Variants in CAMK1D observed in about 807,000 individuals in gnomAD.
CAMK1D encodes calcium/calmodulin-dependent protein kinase type 1D.
In CAMK1D, 9 loss-of-function variants were observed where a neutral mutation model predicts 47.7. The ratio of observed to expected loss-of-function variants is 0.19; its 90% CI spans 0.11 to 0.33. CAMK1D has a LOEUF of 0.33. CAMK1D is among the 10% of genes least tolerant of loss of function. The probability of loss-of-function intolerance (pLI) is 1.00; values close to 1 mark genes in which losing one functional copy is unlikely to be tolerated. For missense variants in CAMK1D, 291 were observed against 488.7 expected (o/e 0.60, Z 3.81); for synonymous variants, 184 against 184.9 (o/e 0.99, Z 0.04).
At chr10:12,758,096 C>T (rs1380095149) in intron 3 of CAMK1D, among the ~76,000 whole-genome samples, 1 of 152,058 alleles carries the variant, frequency 6.6e-6, no homozygotes, top group African/African-American at 2.4e-5. Context: ...GGTGATCCGC[C>T]TCCTTGGCCT....
intron 1 of CAMK1D, among the ~76,000 whole-genome samples, chr10:12,485,329 A>G (rs1003214993): frequency 7.2e-5 from 11 of 152,050 alleles, no homozygotes; most frequent in Non-Finnish European, 1.2e-4. Flanking sequence ...GGCTCCTGGG[A>G]TGGTCAGAGC....
chr10:12,792,184 T>C (rs976626408), intron 6 of CAMK1D, among the ~76,000 whole-genome samples: 2 of 152,200 alleles, frequency 1.3e-5, no homozygotes, highest in African/African-American at 4.8e-5. Flanking sequence ...AATCTCAATT[T>C]CGCCTTTAGA....
chr10:12,709,449 G>C (rs149678114), intron 3 of CAMK1D, among the ~76,000 whole-genome samples: 2 of 152,152 alleles, frequency 1.3e-5, no homozygotes, highest in African/African-American at 4.8e-5. Context: ...TCTAAGGAGG[G>C]AAAATGAAAA....
chr10:12,579,309 C>T (rs2132333998), intron 2 of CAMK1D, among the ~76,000 whole-genome samples: 1 of 152,296 alleles, frequency 6.6e-6, no homozygotes, highest in Admixed American at 6.5e-5. Flanking sequence ...CCTTTCCTTT[C>T]CTTCTTCTGA....
At chr10:12,366,490 A>G (rs1339003313) in intron 1 of CAMK1D, among the ~76,000 whole-genome samples, 1 of 138,674 alleles carries the variant, frequency 7.2e-6, no homozygotes, top group East Asian at 2.0e-4. Flanking sequence ...CCCCATGTCT[A>G]CTAAAAATAA....
At chr10:12,503,260 G>A (rs1834762566) in intron 1 of CAMK1D, among the ~76,000 whole-genome samples, 2 of 152,160 alleles carry the variant, frequency 1.3e-5, no homozygotes, top group South Asian at 4.1e-4. Flanking sequence ...TGTGCCGCTG[G>A]GATTTTGGGA....
intron 1 of CAMK1D, among the ~76,000 whole-genome samples, chr10:12,501,092 C>T (rs1251479292): frequency 6.6e-6 from 1 of 152,216 alleles, no homozygotes; most frequent in East Asian, 1.9e-4. Flanking sequence ...CCGTACTCCA[C>T]CTCGCCCTCA....
intron 3 of CAMK1D, among the ~76,000 whole-genome samples, chr10:12,720,912 C>G (rs912118076): frequency 3.3e-5 from 5 of 152,142 alleles, no homozygotes; most frequent in Admixed American, 2.0e-4. Context: ...AGTCATTTTT[C>G]AAAAGTGAAC....
At chr10:12,368,460 G>A (rs1211718484) in intron 1 of CAMK1D, among the ~76,000 whole-genome samples, 1 of 152,078 alleles carries the variant, frequency 6.6e-6, no homozygotes, top group Non-Finnish European at 1.5e-5. Flanking sequence ...AAGGAGCATA[G>A]GCTTTGATTA....
intron 1 of CAMK1D, among the ~76,000 whole-genome samples, chr10:12,547,678 T>TCACACACACACACACACACACA (rs1426186849): frequency 2.4e-5 from 1 of 41,448 alleles, no homozygotes; most frequent in African/African-American, 8.2e-5. Flanking sequence ...TCTCTTTCTC[T>TCACACACACACACACACACACA]CTCTCACACA....
At chr10:12,590,342 C>G (rs1039945745) in intron 2 of CAMK1D, among the ~76,000 whole-genome samples, 2 of 152,122 alleles carry the variant, frequency 1.3e-5, no homozygotes, top group African/African-American at 2.4e-5. Flanking sequence ...CTCAGCCTTC[C>G]GAGTAGCTCG....
chr10:12,357,609 C>G (rs977541537), intron 1 of CAMK1D, among the ~76,000 whole-genome samples: 1 of 152,212 alleles, frequency 6.6e-6, no homozygotes, highest in South Asian at 2.1e-4. Context: ...AGCCACTGCA[C>G]TCGGCCATTA....
At chr10:12,439,926 G>T (rs146007769) in intron 1 of CAMK1D, among the ~76,000 whole-genome samples, 21 of 152,300 alleles carry the variant, frequency 1.4e-4, no homozygotes, top group African/African-American at 4.6e-4. Flanking sequence ...TGAGAACCAG[G>T]TGAAAACAGA....
intron 1 of CAMK1D, among the ~76,000 whole-genome samples, chr10:12,471,066 A>G (rs892582760): frequency 6.6e-6 from 1 of 151,640 alleles, no homozygotes; most frequent in African/African-American, 2.4e-5. Flanking sequence ...TTTTTCCCAC[A>G]TTATTTTCCT....
intron 2 of CAMK1D, among the ~76,000 whole-genome samples, chr10:12,579,779 G>A (rs192471986): frequency 8.2e-4 from 125 of 152,268 alleles, no homozygotes; most frequent in African/African-American, 2.7e-3. Context: ...GATGGGGACC[G>A]TGGGCTGCAC....
intron 1 of CAMK1D, among the ~76,000 whole-genome samples, chr10:12,355,951 C>T (rs1837500210): frequency 6.6e-6 from 1 of 152,016 alleles, no homozygotes; most frequent in Non-Finnish European, 1.5e-5. Context: ...GTGATGGCAG[C>T]TTGAGGTGAC....
chr10:12,522,906 G>C (rs1835477118), intron 1 of CAMK1D, among the ~76,000 whole-genome samples: 2 of 94,726 alleles, frequency 2.1e-5, no homozygotes, highest in South Asian at 1.0e-3. Context: ...GGGGCGGCTG[G>C]CCGGGCGGGG....
At chr10:12,673,765 A>G (rs1482368666) in intron 3 of CAMK1D, among the ~76,000 whole-genome samples, 1 of 152,198 alleles carries the variant, frequency 6.6e-6, no homozygotes, top group African/African-American at 2.4e-5. Flanking sequence ...AAATGAGTAT[A>G]AAAAGAAAAA....
chr10:12,366,908 C>A (rs949669105), intron 1 of CAMK1D, among the ~76,000 whole-genome samples: 1 of 152,100 alleles, frequency 6.6e-6, no homozygotes. Flanking sequence ...TCTTCGTGAG[C>A]ACAGTGGGTG....
Sources: allele counts gnomAD v4.1 joint callset (sites outside exome capture counted in the v4.1 genomes callset), GRCh38; gene constraint gnomAD v4.1.1; transcripts MANE v1.5; gene names NCBI Gene and HGNC (gene_info 2026-07-23, HGNC 2026-07-21).